CWF19L2: variants seen among roughly 807,000 people sequenced by gnomAD.
The protein encoded by CWF19L2 is CWF19-like protein 2.
CWF19L2 carries 98 observed loss-of-function variants against 111.7 expected under a neutral mutation model. That is an observed-to-expected ratio of 0.88 (90% CI 0.75 to 1.04). The LOEUF (loss-of-function observed/expected upper bound fraction) is 1.04. Among genes scored for constraint, CWF19L2 ranks in the 50% least tolerant of loss-of-function variants. The pLI is 0.00. For synonymous variants in CWF19L2, 351 were observed against 342.9 expected (o/e 1.02, Z -0.26); for missense variants, 1,101 against 1,051.4 (o/e 1.05, Z -0.65).
chr11:107,401,302 T>G (rs1265879911), intron 10 of CWF19L2, among the ~76,000 whole-genome samples: 1 of 152,052 alleles, frequency 6.6e-6, no homozygotes, highest in Non-Finnish European at 1.5e-5. Context: ...GATATGATTG[T>G]TTACCTTGAA....
chr11:107,421,817 A>C (rs1407974389), intron 8 of CWF19L2, among the ~76,000 whole-genome samples: 1 of 152,140 alleles, frequency 6.6e-6, no homozygotes, highest in Non-Finnish European at 1.5e-5. Context: ...GTATTTAAAC[A>C]TACAGTTACC....
intron 12 of CWF19L2, among the ~76,000 whole-genome samples, chr11:107,378,973 T>A (rs1214926045): frequency 1.3e-5 from 2 of 152,120 alleles, no homozygotes; most frequent in African/African-American, 4.8e-5. Context: ...TTCTCCCTCA[T>A]CTGATGACTA....
intron 9 of CWF19L2, among the ~76,000 whole-genome samples, chr11:107,416,832 C>A (rs777937427): frequency 1.3e-5 from 2 of 152,182 alleles, no homozygotes; most frequent in Non-Finnish European, 2.9e-5. Flanking sequence ...ATAGCAAGCA[C>A]CACCACAGTG....
intron 8 of CWF19L2, among the ~76,000 whole-genome samples, chr11:107,424,364 T>C (rs1421987319): frequency 6.6e-6 from 1 of 151,668 alleles, no homozygotes; most frequent in Non-Finnish European, 1.5e-5. Context: ...TATAAACATG[T>C]TCTAGTATAA....
intron 12 of CWF19L2, among the ~76,000 whole-genome samples, chr11:107,383,236 T>C (rs1381461986): frequency 6.6e-6 from 1 of 152,168 alleles, no homozygotes; most frequent in Non-Finnish European, 1.5e-5. Flanking sequence ...GACTTGTGAC[T>C]GGTACCAGTC....
At chr11:107,342,631 C>G (rs991929214) in intron 14 of CWF19L2, among the ~76,000 whole-genome samples, 3 of 152,030 alleles carry the variant, frequency 2.0e-5, no homozygotes, top group African/African-American at 7.2e-5. Flanking sequence ...GAGTGTTATA[C>G]AAATATTGAT....
chr11:107,430,354 T>C (rs895245284), intron 7 of CWF19L2, among the ~76,000 whole-genome samples: 7 of 151,960 alleles, frequency 4.6e-5, no homozygotes, highest in African/African-American at 1.7e-4. Flanking sequence ...AATAAGTAAA[T>C]AATAGAATGA....
At chr11:107,401,038 G>A (rs889704810) in intron 10 of CWF19L2, among the ~76,000 whole-genome samples, 3 of 152,028 alleles carry the variant, frequency 2.0e-5, no homozygotes, top group African/African-American at 7.2e-5. Flanking sequence ...AAAACTCTCA[G>A]CAAAATCAAC....
intron 12 of CWF19L2, among the ~76,000 whole-genome samples, chr11:107,387,457 CAAAACAAAACAA>C (rs1308954830): frequency 1.7e-5 from 1 of 58,052 alleles, no homozygotes; most frequent in African/African-American, 9.8e-5. Context: ...CAAAACAAAA[CAAAACAAAACAA>C]AAAACAAAAA....
intron 14 of CWF19L2, among the ~76,000 whole-genome samples, chr11:107,343,136 C>A (rs964532554): frequency 6.6e-6 from 1 of 152,190 alleles, no homozygotes. Context: ...GAAACTAGTG[C>A]AATGGTGTTT....
rs183422797 is a variant in CWF19L2 at position 107,329,956 on chromosome 11, T to G, written c.2503A>C (p.Ile835Leu). The change falls in exon 17 of 18, where the codon ATT becomes CTT. Residue 835 changes from isoleucine (I) to leucine (L), a missense_variant. Coordinates refer to ENST00000282251, the MANE Select transcript of CWF19L2 (RefSeq NM_152434.3). ...FGLHGGFAHV[I>L]EDQHKFPHYF... The stretch of plus-strand genomic sequence containing the variant: ...TGAGGGAATTTGTGCTGATCTTCAA[T>G]GACATGGGCAAACCCTCCGTGAAGG... The G allele has an allele frequency of 6.3e-7, 1 of 1,593,246 alleles. No homozygotes were observed. The highest frequency in any genetic ancestry group is 1.2e-5 in the South Asian group (1 of 86,836).
At chr11:107,336,776 C>T in intron 14 of CWF19L2, 63 bp from the exon 15 acceptor site, 1 of 881,366 alleles carries the variant, frequency 1.1e-6, no homozygotes, top group Non-Finnish European at 1.7e-6. Flanking sequence ...CAAGCATATT[C>T]AAGATATTTG....
At chr11:107,441,389 A>G in intron 5 of CWF19L2, 114 bp downstream of exon 5, 1 of 893,192 alleles carries the variant, frequency 1.1e-6, no homozygotes. Context: ...TAATTGTATT[A>G]AATACTATAA....
At chr11:107,426,653 G>A (rs1414029827) in intron 8 of CWF19L2, among the ~76,000 whole-genome samples, 3 of 151,468 alleles carry the variant, frequency 2.0e-5, no homozygotes, top group Non-Finnish European at 4.4e-5. Flanking sequence ...AAAAAATGTA[G>A]GTACATATGG....
At chr11:107,379,825 C>T (rs1303632791) in intron 12 of CWF19L2, among the ~76,000 whole-genome samples, 5 of 151,738 alleles carry the variant, frequency 3.3e-5, no homozygotes, top group Admixed American at 1.3e-4. Context: ...TTTGGGAGGC[C>T]GAGGCAGGTG....
At chr11:107,361,130 T>A (rs1420176485) in intron 12 of CWF19L2, among the ~76,000 whole-genome samples, 1 of 152,184 alleles carries the variant, frequency 6.6e-6, no homozygotes, top group Non-Finnish European at 1.5e-5. Flanking sequence ...TTTTTGTGTA[T>A]GTTCAGAGAT....
intron 9 of CWF19L2, among the ~76,000 whole-genome samples, chr11:107,416,923 A>G (rs4754221): frequency 0.043 from 6,590 of 152,218 alleles, 254 homozygotes; most frequent in East Asian, 0.12. Context: ...ATTCCTCTGT[A>G]CTTTCAAAGC....
At chr11:107,394,503 T>C (rs916734751) in intron 10 of CWF19L2, among the ~76,000 whole-genome samples, 2 of 152,220 alleles carry the variant, frequency 1.3e-5, no homozygotes, top group African/African-American at 4.8e-5. Context: ...TTTATTACAT[T>C]CTCTAGCCTG....
At chr11:107,412,048 A>G (rs957070665) in intron 10 of CWF19L2, among the ~76,000 whole-genome samples, 81 of 152,212 alleles carry the variant, frequency 5.3e-4, no homozygotes, top group African/African-American at 1.9e-3. Flanking sequence ...ATATAAAGAA[A>G]TTTTTCTTAC....
Sources: allele counts gnomAD v4.1 joint callset (sites outside exome capture counted in the v4.1 genomes callset), GRCh38; gene constraint gnomAD v4.1.1; transcripts MANE v1.5; gene names NCBI Gene and HGNC (gene_info 2026-07-23, HGNC 2026-07-21).